Variants in PAK6 observed in about 807,000 individuals in gnomAD.
PAK6 encodes the protein p21 (RAC1) activated kinase 6, also known as serine/threonine-protein kinase PAK 6.
Under a neutral mutation model 60.8 loss-of-function variants are expected in PAK6, and 33 were observed. That is an observed-to-expected ratio of 0.54 (90% CI 0.41 to 0.73). The LOEUF is 0.73. Among genes scored for constraint, PAK6 ranks in the 30% least tolerant of loss-of-function variants. The pLI is 0.00. For synonymous variants in PAK6, 404 were observed against 378.5 expected (o/e 1.07, Z -0.78); for missense variants, 845 against 904.1 (o/e 0.93, Z 0.84).
chr15:40,266,556 T>TA, intron 5 of PAK6, 61 bp downstream of exon 5: 1 of 1,458,314 alleles, frequency 6.9e-7, no homozygotes, highest in Non-Finnish European at 9.1e-7. Flanking sequence ...ACACAGGCCT[T>TA]GCCTAGCCTT....
At chr15:40,252,702 C>G in intron 2 of PAK6, 1 of 1,305,514 alleles carries the variant, frequency 7.7e-7, no homozygotes. Context: ...GTGGGTTCCC[C>G]GGCTGCCCCG....
At chr15:40,248,829 C>T (rs2038574888) in intron 2 of PAK6, among the ~76,000 whole-genome samples, 1 of 152,148 alleles carries the variant, frequency 6.6e-6, no homozygotes, top group Non-Finnish European at 1.5e-5. Flanking sequence ...TTGGTCTCTC[C>T]CCACTGCCCG....
chr15:40,261,907 C>A (rs527828137), intron 3 of PAK6, among the ~76,000 whole-genome samples: 2 of 152,036 alleles, frequency 1.3e-5, no homozygotes, highest in African/African-American at 4.8e-5. Context: ...GAACTTGTTC[C>A]GGAATGGCTC....
intron 5 of PAK6, among the ~76,000 whole-genome samples, chr15:40,272,005 T>A (rs930907451): frequency 2.0e-5 from 3 of 152,196 alleles, no homozygotes; most frequent in African/African-American, 7.2e-5. Context: ...GTCTTGGGCC[T>A]GCCCAGCCTG....
chr15:40,266,291 G>C (rs1473180777), exon 5 of PAK6: 1 of 1,611,714 alleles, frequency 6.2e-7, no homozygotes, highest in East Asian at 2.2e-5. Context: ...ATGGAATGAA[G>C]GCTGCCAAGC....
At chr15:40,262,786 G>C (rs2039016698) in intron 3 of PAK6, among the ~76,000 whole-genome samples, 1 of 152,104 alleles carries the variant, frequency 6.6e-6, no homozygotes, top group Non-Finnish European at 1.5e-5. Context: ...TCATGTATGG[G>C]GACTCTGCTT....
At chr15:40,261,708 G>A (rs1225987352) in intron 3 of PAK6, among the ~76,000 whole-genome samples, 1 of 152,088 alleles carries the variant, frequency 6.6e-6, no homozygotes, top group Non-Finnish European at 1.5e-5. Flanking sequence ...CCTTTAGGTG[G>A]TTGATTGGTT....
rs1410655612 is a variant in PAK6 at position 40,273,341 on chromosome 15, T to G, written c.1491-5T>G. 1 of 1,613,162 alleles carries G rather than the reference T, an allele frequency of 6.2e-7. No individual in the cohort carries two copies. Among genetic ancestry groups the G allele is most frequent in the Non-Finnish European group, 8.5e-7 (1 of 1,179,640 alleles). ...TTCATCGGGTGGCCCCACCTTCCTGTCCAGGCTGAATGAGGAGCAGATTGC... is the reference window on the plus strand; with the variant it reads ...TTCATCGGGTGGCCCCACCTTCCTGGCCAGGCTGAATGAGGAGCAGATTGC... On this transcript the variant is annotated splice_polypyrimidine_tract_variant and splice_region_variant and intron_variant, in intron 7 of 10. Coordinates refer to ENST00000560346, the Ensembl canonical transcript of PAK6.
chr15:40,266,177 G>A (rs1436758848), exon 5 of PAK6: 3 of 1,609,020 alleles, frequency 1.9e-6, no homozygotes, highest in Admixed American at 3.3e-5. Context: ...CACAGTCCCT[G>A]GGCCCCGCCG....
rs1315308061 is a variant in PAK6, at chr15:40,272,505, G to C, written c.1140G>C (p.Glu380Asp). The change falls in exon 6 of 11, where the codon GAG becomes GAC. Residue 380 changes from glutamate (E) to aspartate (D), a missense_variant. Physicochemically the swap from Glu to Asp is conservative, Grantham distance 45. Transcript: ENST00000560346. ...TTGCCAAGGGTGCCCTGGCTGGTGA[G>C]GACACAGGTGTTGTGACACATGAGC... 7 of 1,613,708 alleles carry C rather than the reference G, an allele frequency of 4.3e-6. No individual in the cohort carries two copies. In the Admixed American group the frequency reaches 1.2e-4, roughly 27 times the overall value.
Position 40,272,864 on chromosome 15 carries a change from A to G in PAK6, c.1357-2A>G, listed in dbSNP as rs756832138. ...GGCACTCAGGCCCCCGCCTGCCCCC[A>G]GGTGGTGATCATGCGGGACTACCAG... is the stretch of plus-strand genomic sequence containing the variant. On this transcript the variant is annotated splice_acceptor_variant, in intron 6 of 10. Transcript: ENST00000560346. LOFTEE classifies it high-confidence loss of function. The G allele has an allele frequency of 2.5e-6, 4 of 1,613,452 alleles. No individual in the cohort carries two copies. Among genetic ancestry groups the G allele is most frequent in the Middle Eastern group, 3.3e-4 (2 of 6,082 alleles).
At chr15:40,256,783 CGAG>C (rs1219226297) in intron 3 of PAK6, 1 of 152,152 alleles carries the variant, frequency 6.6e-6, no homozygotes, top group Non-Finnish European at 1.5e-5. Context: ...AGGCTTGTGG[CGAG>C]GAGATCACAT....
At chr15:40,249,610 T>A (rs145161438) in intron 2 of PAK6, among the ~76,000 whole-genome samples, 17 of 152,334 alleles carry the variant, frequency 1.1e-4, no homozygotes, top group Admixed American at 2.6e-4. Flanking sequence ...GTTAGTCGCC[T>A]TCCTCATCCC....
At chr15:40,275,861 C>T in intron 10 of PAK6, 66 bp from the exon 11 acceptor site, 1 of 1,449,858 alleles carries the variant, frequency 6.9e-7, no homozygotes, top group East Asian at 2.3e-5. Flanking sequence ...ATGATAAGTC[C>T]AGGCAATCAG....
chr15:40,267,924 A>C (rs1261129447), intron 5 of PAK6, among the ~76,000 whole-genome samples: 1 of 152,200 alleles, frequency 6.6e-6, no homozygotes, highest in Non-Finnish European at 1.5e-5. Context: ...TCCTGCTGCG[A>C]GGCCTCAGGG....
At chr15:40,240,530 C>T in intron 1 of PAK6, 69 bp from the exon 2 acceptor site, 1 of 400,282 alleles carries the variant, frequency 2.5e-6, no homozygotes, top group Non-Finnish European at 4.8e-6. Context: ...AGAGAAGAGG[C>T]TGGGTGAGAA....
chr15:40,262,993 T>G (rs2039022812), intron 3 of PAK6, among the ~76,000 whole-genome samples: 3 of 152,154 alleles, frequency 2.0e-5, no homozygotes, highest in Admixed American at 2.0e-4. Context: ...CTCTAGGGGG[T>G]GTTCGGTGGA....
chr15:40,268,761 G>C (rs2039219489), intron 5 of PAK6, among the ~76,000 whole-genome samples: 1 of 152,224 alleles, frequency 6.6e-6, no homozygotes, highest in African/African-American at 2.4e-5. Flanking sequence ...AGGCAAGACA[G>C]TTTTTTAGGA....
At chr15:40,273,744 G>GC in intron 9 of PAK6, 68 bp downstream of exon 9, 1 of 1,577,070 alleles carries the variant, frequency 6.3e-7, no homozygotes, top group South Asian at 1.2e-5. Context: ...TTCTGCTGTG[G>GC]CCCCTCCAGT....
Sources: allele counts gnomAD v4.1 joint callset (sites outside exome capture counted in the v4.1 genomes callset), GRCh38; gene constraint gnomAD v4.1.1; transcripts MANE v1.5; gene names NCBI Gene and HGNC (gene_info 2026-07-23, HGNC 2026-07-21).